KLHL1: variants seen among roughly 807,000 people sequenced by gnomAD.
The protein encoded by KLHL1 is kelch-like protein 1.
A neutral mutation model predicts 77.7 loss-of-function variants in KLHL1; 47 were observed. The ratio of observed to expected loss-of-function variants is 0.60; its 90% CI spans 0.48 to 0.77. The LOEUF (loss-of-function observed/expected upper bound fraction) is 0.77, where lower values mean the gene tolerates loss of function less well. Ranked by LOEUF, KLHL1 falls within the 30% of genes least tolerant of loss-of-function variation. The pLI, the probability that KLHL1 is intolerant of heterozygous loss-of-function variation, is 0.00. For missense variants in KLHL1, 925 were observed against 910.8 expected, an observed-to-expected ratio of 1.02 and a Z score of -0.20; for synonymous variants, 360 against 325.2, an observed-to-expected ratio of 1.11 and a Z score of -1.15.
At chr13:69,795,428 C>A (rs1877060887) in intron 7 of KLHL1, among the ~76,000 whole-genome samples, 1 of 152,070 alleles carries the variant, frequency 6.6e-6, no homozygotes, top group Non-Finnish European at 1.5e-5. Context: ...ATCTGTCTAA[C>A]ATGTATGTTC....
intron 3 of KLHL1, among the ~76,000 whole-genome samples, chr13:69,951,007 C>T (rs61070599): frequency 0.13 from 19,402 of 151,498 alleles, 1,930 homozygotes; most frequent in East Asian, 0.29. Context: ...ATATTTGTCT[C>T]AGATTTTAAT....
At chr13:70,047,703 T>G (rs969634824) in intron 1 of KLHL1, among the ~76,000 whole-genome samples, 3 of 152,298 alleles carry the variant, frequency 2.0e-5, no homozygotes, top group Admixed American at 2.0e-4. Context: ...CAAACTGAAT[T>G]TTTTTAAAAA....
intron 7 of KLHL1, among the ~76,000 whole-genome samples, chr13:69,794,720 A>T (rs993551942): frequency 6.6e-6 from 1 of 152,142 alleles, no homozygotes; most frequent in Non-Finnish European, 1.5e-5. Flanking sequence ...AGCAATTATA[A>T]TGAATTACCA....
At chr13:70,104,001 T>G (rs145179732) in intron 1 of KLHL1, among the ~76,000 whole-genome samples, 280 of 152,196 alleles carry the variant, frequency 1.8e-3, no homozygotes, top group African/African-American at 6.3e-3. Flanking sequence ...GAATTCAGAA[T>G]CTAAAAAAGC....
chr13:69,765,261 A>G (rs1056131646), intron 7 of KLHL1, among the ~76,000 whole-genome samples: 7 of 151,856 alleles, frequency 4.6e-5, no homozygotes, highest in Admixed American at 2.0e-4. Flanking sequence ...CTATCTTTGC[A>G]TGTTTTATAG....
intron 1 of KLHL1, among the ~76,000 whole-genome samples, chr13:70,053,365 T>A (rs1886673956): frequency 6.6e-6 from 1 of 152,010 alleles, no homozygotes; most frequent in African/African-American, 2.4e-5. Flanking sequence ...ATTAAGGAAT[T>A]TATTCTTAGG....
intron 3 of KLHL1, among the ~76,000 whole-genome samples, chr13:69,950,684 A>G (rs908677845): frequency 3.3e-5 from 5 of 151,656 alleles, no homozygotes; most frequent in African/African-American, 1.2e-4. Context: ...TTTGGTCATT[A>G]TTTTAATTTA....
intron 1 of KLHL1, among the ~76,000 whole-genome samples, chr13:70,035,890 T>TA (rs554342288): frequency 5.3e-4 from 80 of 151,908 alleles, no homozygotes; most frequent in East Asian, 1.7e-3. Flanking sequence ...GATGTAGAAA[T>TA]AAAAAAAAGT....
At chr13:69,720,880 A>C (rs1873014348) in intron 8 of KLHL1, among the ~76,000 whole-genome samples, 1 of 148,658 alleles carries the variant, frequency 6.7e-6, no homozygotes, top group African/African-American at 2.5e-5. Context: ...GTACAACAGG[A>C]AGCCATAGTG....
intron 1 of KLHL1, among the ~76,000 whole-genome samples, chr13:70,104,389 A>G (rs1593747496): frequency 6.6e-6 from 1 of 152,134 alleles, no homozygotes; most frequent in Non-Finnish European, 1.5e-5. Flanking sequence ...CACTACCTTT[A>G]TGTTTCAAGT....
intron 5 of KLHL1, among the ~76,000 whole-genome samples, chr13:69,867,180 A>G (rs1880397713): frequency 6.6e-6 from 1 of 152,156 alleles, no homozygotes; most frequent in Non-Finnish European, 1.5e-5. Flanking sequence ...AACAGAGTCT[A>G]TCACATAGTT....
chr13:69,759,263 T>C (rs910715996), intron 7 of KLHL1, among the ~76,000 whole-genome samples: 3 of 152,120 alleles, frequency 2.0e-5, no homozygotes, highest in African/African-American at 7.2e-5. Context: ...CACAGTAAGA[T>C]GTGTGCAAGG....
intron 1 of KLHL1, among the ~76,000 whole-genome samples, chr13:70,026,576 C>A (rs1736456329): frequency 6.6e-6 from 1 of 151,982 alleles, no homozygotes; most frequent in African/African-American, 2.4e-5. Context: ...CCATTTGGGT[C>A]CGTTCCCTCA....
chr13:69,929,814 A>G (rs1379565195), intron 4 of KLHL1, among the ~76,000 whole-genome samples: 1 of 151,840 alleles, frequency 6.6e-6, no homozygotes, highest in African/African-American at 2.4e-5. Context: ...TCTGATATAC[A>G]TTACATTGCC....
intron 1 of KLHL1, among the ~76,000 whole-genome samples, chr13:70,054,356 G>A (rs1436760679): frequency 2.0e-5 from 3 of 152,032 alleles, no homozygotes; most frequent in African/African-American, 7.2e-5. Context: ...CAAGTGTCCA[G>A]TATACACTAT....
At chr13:70,105,872 A>G (rs9542177) in intron 1 of KLHL1, among the ~76,000 whole-genome samples, 33,118 of 150,762 alleles carry the variant, frequency 0.22, 4,148 homozygotes, top group South Asian at 0.4. Flanking sequence ...AAAACCATTG[A>G]CACAATTGAT....
chr13:69,817,813 T>C lies in KLHL1; in HGVS notation c.1415-20851A>G, dbSNP rs552510980. On this transcript the variant is annotated intron_variant, in intron 6 of 10. Transcript: ENST00000377844. ...AGAATGTACTGAGTACTCAAGAATT[T>C]ATAATTATGGTAGGCCTTTTATCAT... Among the ~76,000 whole-genome samples the C allele has an allele frequency of 2.6e-5, 4 of 152,294 alleles. No homozygotes were observed. The East Asian group carries it at 7.7e-4, about 29-fold the overall frequency.
chr13:69,992,934 CAT>C (rs1275061894), intron 1 of KLHL1, among the ~76,000 whole-genome samples: 7 of 149,070 alleles, frequency 4.7e-5, no homozygotes, highest in Middle Eastern at 7.1e-3. Context: ...AAAAAAAAAA[CAT>C]GTACCTTTCT....
At chr13:69,847,663 T>C (rs995075049) in intron 5 of KLHL1, among the ~76,000 whole-genome samples, 1 of 151,546 alleles carries the variant, frequency 6.6e-6, no homozygotes, top group Non-Finnish European at 1.5e-5. Context: ...ACATTCATGA[T>C]AAAGTGACAA....
Sources: gnomAD v4.1 joint callset for allele counts (sites outside exome capture counted in the v4.1 genomes callset) on GRCh38, gnomAD v4.1.1 for gene constraint, MANE v1.5 for transcripts, NCBI Gene and HGNC (gene_info 2026-07-23, HGNC 2026-07-21) for gene names.